C11orf54: variants seen among roughly 807,000 people sequenced by gnomAD.
The protein encoded by C11orf54 is beta-keto-L-gulonate decarboxylase, also known as beta-keto L-gulonate decarboxylase.
Under a neutral mutation model 35.5 loss-of-function variants are expected in C11orf54, and 29 were observed. The observed-to-expected ratio is 0.82, with a 90% CI of 0.61 to 1.11. C11orf54 has a LOEUF of 1.11. Ranked by LOEUF, C11orf54 falls within the 50% of genes most tolerant of loss-of-function variation. The pLI is 0.00. For missense variants in C11orf54, 373 were observed against 369.2 expected, an observed-to-expected ratio of 1.01 and a Z score of -0.08; for synonymous variants, 108 against 121.1, an observed-to-expected ratio of 0.89 and a Z score of 0.71.
At chr11:93,756,193 A>C (rs1943144334) in intron 6 of C11orf54, among the ~76,000 whole-genome samples, 1 of 135,988 alleles carries the variant, frequency 7.4e-6, no homozygotes, top group African/African-American at 2.7e-5. Flanking sequence ...AAAAAAAAGA[A>C]TAGTATGGCT....
At chr11:93,743,004 CT>C (rs111849525) in intron 1 of C11orf54, 98 of 146,064 alleles carry the variant, frequency 6.7e-4, no homozygotes, top group Admixed American at 5.5e-4. Flanking sequence ...TTTCTTTTTT[CT>C]TTTTTTTTTT....
At chr11:93,749,660 GA>G (rs1942709480) in intron 2 of C11orf54, among the ~76,000 whole-genome samples, 1 of 151,774 alleles carries the variant, frequency 6.6e-6, no homozygotes, top group Admixed American at 6.6e-5. Flanking sequence ...ACATATAAAA[GA>G]AAAAAAGAGA....
intron 1 of C11orf54, among the ~76,000 whole-genome samples, chr11:93,743,666 A>T (rs894113688): frequency 7.2e-5 from 11 of 152,110 alleles, no homozygotes; most frequent in African/African-American, 2.7e-4. Context: ...ACCCCTGAAG[A>T]CCCACAGCCT....
chr11:93,749,292 G>C (rs1942675919), intron 2 of C11orf54, among the ~76,000 whole-genome samples: 1 of 151,894 alleles, frequency 6.6e-6, no homozygotes, highest in Admixed American at 6.6e-5. Flanking sequence ...GAGCCACCTG[G>C]GCAACAAGCC....
rs80057386 is a variant in C11orf54, at chr11:93,747,143, C to T, written c.-97-154C>T. The T allele has an allele frequency of 3.7e-3, 1,080 of 292,762 alleles. 33 individuals carry two copies. The East Asian group carries it at 0.06, about 16-fold the overall frequency. The allele number at this position is 292,762 out of a possible 1,614,324, so 18.1% of individuals were successfully genotyped here. A position where few individuals can be genotyped will look rare whatever the true frequency, so the allele number is the denominator to read the frequency against. On this transcript the variant is annotated intron_variant, in intron 1 of 8. Transcript: ENST00000354421. Reference sequence around the variant, plus strand: ...AAAATTAGTTTTAAATTTTAAATTACAATAAAATAAAGTGTAAGTATTAAA... The same window carrying T: ...AAAATTAGTTTTAAATTTTAAATTATAATAAAATAAAGTGTAAGTATTAAA...
At chr11:93,745,362 T>C (rs11020507) in intron 1 of C11orf54, among the ~76,000 whole-genome samples, 84,261 of 152,024 alleles carry the variant, frequency 0.55, 24,765 homozygotes, top group Admixed American at 0.69. Flanking sequence ...TGCAGCTTTC[T>C]GCAGTGCATC....
In C11orf54 at chr11:93,753,792, G is replaced by A. The variant is rs754372752; in HGVS notation, c.228+37G>A. The A allele has an allele frequency of 8.1e-6, 13 of 1,601,292 alleles. No homozygotes were observed. The South Asian group carries it at 1.2e-4, about 15-fold the overall frequency. On this transcript the variant is annotated intron_variant, in intron 4 of 8. Coordinates refer to ENST00000354421, the MANE Select transcript of C11orf54 (RefSeq NM_001286069.2). ...TACTCTGCATATTCACATGAAGATTGTAGAAGTTGGGTTGATTACTGTGTT... is the reference window on the plus strand; with the variant it reads ...TACTCTGCATATTCACATGAAGATTATAGAAGTTGGGTTGATTACTGTGTT...
In C11orf54 at chr11:93,761,721, T is replaced by C; in HGVS notation, c.*33T>C. 1 of 1,521,892 alleles carries C rather than the reference T, an allele frequency of 6.6e-7. No individual in the cohort carries two copies. Among genetic ancestry groups the C allele is most frequent in the Non-Finnish European group, 8.9e-7 (1 of 1,126,680 alleles). 94.3% of individuals were successfully genotyped at this position (1,521,892 alleles called of 1,614,324 possible). On this transcript the variant is annotated 3_prime_UTR_variant, in exon 9 of 9. Coordinates refer to ENST00000354421, the MANE Select transcript of C11orf54 (RefSeq NM_001286069.2). ...GATACTTATTTAGAAAAAGAAATAA[T>C]TAAGGTTAATTAATTGATTGACTTA...
At chr11:93,742,833 C>A (rs768814195) in intron 1 of C11orf54, 2 of 152,042 alleles carry the variant, frequency 1.3e-5, no homozygotes, top group African/African-American at 4.8e-5. Context: ...CCCTCACTGC[C>A]GTATTCAGCA....
chr11:93,758,801 G>A (rs1478351783), intron 7 of C11orf54, among the ~76,000 whole-genome samples: 2 of 152,252 alleles, frequency 1.3e-5, no homozygotes, highest in Non-Finnish European at 2.9e-5. Context: ...TTCCGTGATC[G>A]GCAGCAGGAG....
At chr11:93,752,036 G>A (rs146976703) in intron 3 of C11orf54, among the ~76,000 whole-genome samples, 3,971 of 151,418 alleles carry the variant, frequency 0.026, 79 homozygotes, top group Non-Finnish European at 0.043. Context: ...TAGTAGAGAC[G>A]GGGTTTCATC....
chr11:93,754,227 A>G (rs890082298), intron 5 of C11orf54, among the ~76,000 whole-genome samples, 190 bp downstream of exon 5: 1 of 152,196 alleles, frequency 6.6e-6, no homozygotes, highest in Admixed American at 6.5e-5. Context: ...ACTAACTTGT[A>G]GTTTTAGATT....
At position 93,759,749 on chromosome 11, in the gene C11orf54, A is replaced by T. The variant is rs150664273; in HGVS notation, c.665A>T (p.Glu222Val). 1.9e-5 allele frequency: 30 copies of T among 1,590,736 alleles called. No homozygotes were observed. In the African/African-American group the frequency reaches 2.8e-4, roughly 15 times the overall value. The change falls in exon 8 of 9, where the codon GAA (glutamate) becomes GTA (valine). Residue 222 changes from glutamate (E) to valine (V), a missense_variant. Glu to Val is a moderately radical substitution (Grantham distance 121). Coordinates refer to ENST00000354421, the MANE Select transcript of C11orf54 (RefSeq NM_001286069.2). The part of the protein sequence containing the change: ...GKVKSHIMPA[E>V]FSSCPLNSDE... Reference sequence around the variant, plus strand: ...AATTATCTTTTGTTGTAGCCTGCAGAATTTTCTTCCTGCCCCTTGAACTCT... The same window carrying T: ...AATTATCTTTTGTTGTAGCCTGCAGTATTTTCTTCCTGCCCCTTGAACTCT...
intron 2 of C11orf54, among the ~76,000 whole-genome samples, chr11:93,749,013 G>C (rs540120765): frequency 2.0e-5 from 3 of 151,618 alleles, no homozygotes; most frequent in Admixed American, 2.0e-4. Context: ...GTGTGGTGGC[G>C]GGCGCCTGTA....
intron 2 of C11orf54, among the ~76,000 whole-genome samples, chr11:93,749,013 G>A (rs540120765): frequency 2.0e-5 from 3 of 151,736 alleles, no homozygotes; most frequent in East Asian, 1.9e-4. Context: ...GTGTGGTGGC[G>A]GGCGCCTGTA....
intron 1 of C11orf54, among the ~76,000 whole-genome samples, chr11:93,742,511 C>A (rs1942162819): frequency 6.6e-6 from 1 of 152,088 alleles, no homozygotes; most frequent in African/African-American, 2.4e-5. Context: ...TCTCAAACTC[C>A]CGACCTCAGG....
intron 3 of C11orf54, among the ~76,000 whole-genome samples, chr11:93,753,076 G>A (rs561804110): frequency 3.9e-5 from 6 of 152,118 alleles, no homozygotes; most frequent in South Asian, 4.1e-4. Context: ...TGCCCCCGCC[G>A]GGTTCAAGCA....
chr11:93,755,337 A>C lies in C11orf54; in HGVS notation c.458A>C (p.Gln153Pro). ...TACAGTGAGAAATGTCATGATTTTCAGTGTGCATTACTGGCTAATCTTTTT... is the reference window on the plus strand; with the variant it reads ...TACAGTGAGAAATGTCATGATTTTCCGTGTGCATTACTGGCTAATCTTTTT... ...EKYSEKCHDF[Q>P]CALLANLFAS... is the part of the protein sequence containing the mutation. The change falls in exon 6 of 9, where the codon CAG (glutamine) becomes CCG (proline). Residue 153 changes from glutamine (Q) to proline (P), a missense_variant. By Grantham distance (76) the Gln-to-Pro change is moderately conservative. Coordinates refer to ENST00000354421, the MANE Select transcript of C11orf54 (RefSeq NM_001286069.2). 6.2e-7 allele frequency: 1 copy of C among 1,614,204 alleles called. No homozygotes were observed. The highest frequency in any genetic ancestry group is 8.5e-7 in the Non-Finnish European group (1 of 1,180,034).
rs773192656 is a variant in C11orf54 at position 93,750,329 on chromosome 11, T to A, written c.56-17T>A. 6.2e-7 allele frequency: 1 copy of A among 1,604,830 alleles called. No individual in the cohort carries two copies. Among genetic ancestry groups the A allele is most frequent in the South Asian group, 1.1e-5 (1 of 90,576 alleles). Reference sequence around the variant, plus strand: ...TTTTACCTAATGTTAAATAATCTTATTCCTTGTCTTTATTAGTTATGCAGA... The same window carrying A: ...TTTTACCTAATGTTAAATAATCTTAATCCTTGTCTTTATTAGTTATGCAGA... On this transcript the variant is annotated splice_polypyrimidine_tract_variant and intron_variant, in intron 2 of 8. Coordinates refer to ENST00000354421, the MANE Select transcript of C11orf54 (RefSeq NM_001286069.2).
Sources: gnomAD v4.1 joint callset for allele counts (sites outside exome capture counted in the v4.1 genomes callset) on GRCh38, gnomAD v4.1.1 for gene constraint, MANE v1.5 for transcripts, NCBI Gene and HGNC (gene_info 2026-07-23, HGNC 2026-07-21) for gene names.